Variants in PPFIBP2 observed in about 807,000 individuals in gnomAD.
PPFIBP2 encodes PPFIB scaffold protein 2, also known as liprin-beta-2.
PPFIBP2 carries 118 observed loss-of-function variants against 118.3 expected under a neutral mutation model. The ratio of observed to expected loss-of-function variants is 1.00; its 90% CI spans 0.86 to 1.16. The LOEUF (loss-of-function observed/expected upper bound fraction) is 1.16, where lower values mean the gene tolerates loss of function less well. Ranked by LOEUF, PPFIBP2 falls within the 50% of genes most tolerant of loss-of-function variation. The pLI, the probability that PPFIBP2 is intolerant of heterozygous loss-of-function variation, is 0.00. For missense variants in PPFIBP2, 1,195 were observed against 1,073.1 expected (o/e 1.11, Z -1.59); for synonymous variants, 414 against 397.4 (o/e 1.04, Z -0.50).
At chr11:7,572,021 C>G (rs1855706680) in intron 3 of PPFIBP2, 1 of 152,190 alleles carries the variant, frequency 6.6e-6, no homozygotes, top group Non-Finnish European at 1.5e-5. Context: ...AAAGATAATT[C>G]TTTGCCATTT....
At chr11:7,594,077 A>G (rs1467609579) in intron 4 of PPFIBP2, among the ~76,000 whole-genome samples, 1 of 152,130 alleles carries the variant, frequency 6.6e-6, no homozygotes, top group East Asian at 1.9e-4. Context: ...CCTGGAACCC[A>G]CCCCAGGCTA....
rs1247492653 is a variant in PPFIBP2 at position 7,640,941 on chromosome 11, T to C, written c.1376-538T>C. 4 of 1,054,710 alleles carry C rather than the reference T, an allele frequency of 3.8e-6. No individual in the cohort carries two copies. The African/African-American group carries it at 4.9e-5, about 13-fold the overall frequency. The allele number at this position is 1,054,710 out of a possible 1,614,324, so 65.3% of individuals were successfully genotyped here. A position where few individuals can be genotyped will look rare whatever the true frequency, so the allele number is the denominator to read the frequency against. The stretch of plus-strand genomic sequence containing the variant: ...TCTCTTGCTCGATGACACTCTTTTG[T>C]TTATTTCTTTGCTTCCCCGTAACTC... On this transcript the variant is annotated intron_variant, in intron 15 of 23. Transcript: ENST00000299492.
chr11:7,519,042 G>A (rs754397392), intron 1 of PPFIBP2, among the ~76,000 whole-genome samples: 3 of 152,186 alleles, frequency 2.0e-5, no homozygotes, highest in Admixed American at 2.0e-4. Flanking sequence ...TACAGGCAGT[G>A]CTAGAGTTGT....
chr11:7,601,129 C>T (rs1861349638), intron 5 of PPFIBP2, among the ~76,000 whole-genome samples: 1 of 152,194 alleles, frequency 6.6e-6, no homozygotes, highest in Non-Finnish European at 1.5e-5. Context: ...GTCAACCTTC[C>T]TCCAGGAGCA....
intron 7 of PPFIBP2, among the ~76,000 whole-genome samples, chr11:7,622,023 T>A (rs1322086636): frequency 6.6e-6 from 1 of 152,234 alleles, no homozygotes; most frequent in Non-Finnish European, 1.5e-5. Context: ...CTGTTTTAGG[T>A]CTGTGTTAGG....
At chr11:7,600,609 G>A (rs1861258248) in intron 5 of PPFIBP2, among the ~76,000 whole-genome samples, 2 of 152,176 alleles carry the variant, frequency 1.3e-5, no homozygotes, top group South Asian at 4.1e-4. Context: ...TGGAGCCAAG[G>A]CGAGCCTGCT....
intron 1 of PPFIBP2, among the ~76,000 whole-genome samples, chr11:7,524,991 T>G (rs766017901): frequency 2.6e-5 from 4 of 152,216 alleles, no homozygotes; most frequent in Non-Finnish European, 2.9e-5. Flanking sequence ...GCCTTGTGTG[T>G]CTGTCTGGGT....
intron 2 of PPFIBP2, 34 bp from the exon 3 acceptor site, chr11:7,565,519 T>C (rs1406192192): frequency 1.2e-6 from 2 of 1,610,516 alleles, no homozygotes; most frequent in African/African-American, 2.7e-5. Flanking sequence ...GTGTCCACCC[T>C]TCTTACTGAG....
the PPFIBP2 span, chr11:7,666,595 C>G: frequency 7.0e-7 from 1 of 1,421,630 alleles, no homozygotes; most frequent in Non-Finnish European, 9.9e-7. Flanking sequence ...GGGCCATCCT[C>G]TTGTTCCCTG....
Position 7,581,494 on chromosome 11 carries a change from A to G in PPFIBP2, c.280-11638A>G, listed in dbSNP as rs1273368969. 2.6e-5 allele frequency among the ~76,000 whole-genome samples: 4 copies of G among 152,268 alleles called. 1 individual carries two copies. The East Asian group carries it at 5.8e-4, about 22-fold the overall frequency. ...TGCAGTAAAAAGTGGAATTAACTCA[A>G]GCTGCTAATGTGAGACTTTATTCTG... On this transcript the variant is annotated intron_variant, in intron 3 of 23. Coordinates refer to ENST00000299492, the MANE Select transcript of PPFIBP2 (RefSeq NM_003621.5).
At chr11:7,533,652 A>G (rs1385072986) in intron 1 of PPFIBP2, among the ~76,000 whole-genome samples, 1 of 152,196 alleles carries the variant, frequency 6.6e-6, no homozygotes, top group East Asian at 1.9e-4. Flanking sequence ...GTGTTAGGAA[A>G]GGTTTTCTGG....
At chr11:7,583,144 T>C (rs1857526797) in intron 3 of PPFIBP2, among the ~76,000 whole-genome samples, 1 of 152,180 alleles carries the variant, frequency 6.6e-6, no homozygotes, top group Non-Finnish European at 1.5e-5. Flanking sequence ...GTTCCTATAG[T>C]CATCTTTTAA....
chr11:7,579,055 A>G (rs771349113), intron 3 of PPFIBP2, among the ~76,000 whole-genome samples: 7 of 151,888 alleles, frequency 4.6e-5, no homozygotes, highest in South Asian at 4.1e-4. Flanking sequence ...GGGGGGGTCT[A>G]GTTTGTATTT....
intron 1 of PPFIBP2, among the ~76,000 whole-genome samples, chr11:7,544,039 A>G (rs936918665): frequency 1.3e-5 from 2 of 152,182 alleles, no homozygotes; most frequent in Admixed American, 1.3e-4. Flanking sequence ...TAGCGAAGAG[A>G]AGGGTTAAGT....
chr11:7,618,196 GC>G lies in PPFIBP2; in HGVS notation c.619-2738del, dbSNP rs556336911. ...AGATTTCCTGCTGCATTAAAGGACA[GC>G]GGGGAAATAGGAAAGTCAAGATGTA... On this transcript the variant is annotated intron_variant, in intron 6 of 23. Transcript: ENST00000299492. Among the ~76,000 whole-genome samples, 36 of 152,244 alleles carry G rather than the reference GC, an allele frequency of 2.4e-4. No homozygotes were observed. The South Asian group carries it at 3.7e-3, about 16-fold the overall frequency.
chr11:7,642,166 G>T, intron 16 of PPFIBP2, 132 bp from the exon 17 acceptor site: 1 of 1,050,792 alleles, frequency 9.5e-7, no homozygotes, highest in Non-Finnish European at 1.4e-6. Context: ...CTTGATCTCT[G>T]GGAAGGTACG....
chr11:7,592,412 A>G (rs926241003), intron 3 of PPFIBP2, among the ~76,000 whole-genome samples: 2 of 152,204 alleles, frequency 1.3e-5, no homozygotes, highest in Non-Finnish European at 1.5e-5. Flanking sequence ...GGCTACCTGT[A>G]ATTTCCTTAG....
chr11:7,613,362 A>G (rs1218650407), intron 6 of PPFIBP2, among the ~76,000 whole-genome samples: 1 of 152,178 alleles, frequency 6.6e-6, no homozygotes, highest in Non-Finnish European at 1.5e-5. Flanking sequence ...AGTTGTGGAA[A>G]TGATTACCGA....
intron 14 of PPFIBP2, among the ~76,000 whole-genome samples, chr11:7,637,709 G>A (rs773588489): frequency 5.3e-5 from 8 of 152,214 alleles, no homozygotes; most frequent in African/African-American, 7.2e-5. Context: ...TCTGCGTCAC[G>A]TCTTGACATT....
Sources: gnomAD v4.1 joint callset for allele counts (sites outside exome capture counted in the v4.1 genomes callset) on GRCh38, gnomAD v4.1.1 for gene constraint, MANE v1.5 for transcripts, NCBI Gene and HGNC (gene_info 2026-07-23, HGNC 2026-07-21) for gene names.